The following CUX1 variants were observed in gnomAD, a reference collection of about 807,000 sequenced individuals.
CUX1 encodes protein CASP.
In CUX1, 31 loss-of-function variants were observed where a neutral mutation model predicts 158.8. The observed-to-expected ratio is 0.20, with a 90% CI of 0.15 to 0.26. The LOEUF is 0.26. Ranked by LOEUF, CUX1 falls within the 10% of genes least tolerant of loss-of-function variation. The pLI is 1.00. For missense variants in CUX1, 1,589 were observed against 2,014.6 expected (o/e 0.79, Z 4.04); for synonymous variants, 879 against 862.1 (o/e 1.02, Z -0.34).
chr7:102,124,988 G>A (rs1222947738), intron 8 of CUX1, among the ~76,000 whole-genome samples: 1 of 152,060 alleles, frequency 6.6e-6, no homozygotes, highest in Non-Finnish European at 1.5e-5. Context: ...CGCCATGTTG[G>A]CCAGGCTGGT....
chr7:101,835,131 A>G (rs775833110), intron 1 of CUX1, among the ~76,000 whole-genome samples: 26 of 152,102 alleles, frequency 1.7e-4, no homozygotes, highest in Admixed American at 1.3e-3. Context: ...AGAAACTCCC[A>G]TACCTGTCAG....
At chr7:102,212,761 C>T (rs1384554149) in intron 20 of CUX1, among the ~76,000 whole-genome samples, 1 of 151,928 alleles carries the variant, frequency 6.6e-6, no homozygotes, top group Non-Finnish European at 1.5e-5. Flanking sequence ...GCGTGCAGGC[C>T]TCAAAAAGGC....
chr7:102,214,078 G>T (rs1163355483), intron 20 of CUX1, among the ~76,000 whole-genome samples: 8 of 151,902 alleles, frequency 5.3e-5, no homozygotes, highest in Non-Finnish European at 1.0e-4. Flanking sequence ...GTTGCACTGA[G>T]GCGAGATCAC....
chr7:102,243,885 G>T (rs1181913629), intron 23 of CUX1, among the ~76,000 whole-genome samples: 1 of 151,836 alleles, frequency 6.6e-6, no homozygotes, highest in Non-Finnish European at 1.5e-5. Context: ...AAATTAGCCC[G>T]GTGTGGTGGC....
At chr7:102,200,579 G>A (rs933418205) in intron 17 of CUX1, among the ~76,000 whole-genome samples, 14 of 152,116 alleles carry the variant, frequency 9.2e-5, no homozygotes, top group African/African-American at 3.4e-4. Flanking sequence ...GACCTCCAGT[G>A]ATCCTCCCAC....
intron 14 of CUX1, among the ~76,000 whole-genome samples, chr7:102,263,638 C>A (rs370422728): frequency 6.2e-4 from 94 of 151,520 alleles, no homozygotes; most frequent in Non-Finnish European, 1.1e-3. Context: ...AGTTTTAAAT[C>A]GGGTGGTCAG....
At chr7:101,835,412 G>A (rs962164519) in intron 1 of CUX1, among the ~76,000 whole-genome samples, 1 of 151,972 alleles carries the variant, frequency 6.6e-6, no homozygotes, top group African/African-American at 2.4e-5. Flanking sequence ...GTAAACATTC[G>A]AGCTGTTTCC....
intron 3 of CUX1, among the ~76,000 whole-genome samples, chr7:102,049,995 T>G (rs911993268): frequency 6.6e-5 from 10 of 152,156 alleles, no homozygotes; most frequent in Non-Finnish European, 1.5e-5. Context: ...CCGTCCCTAC[T>G]GAGGAGCTGC....
chr7:102,034,003 G>A (rs1290126797), intron 3 of CUX1, among the ~76,000 whole-genome samples: 4 of 151,722 alleles, frequency 2.6e-5, no homozygotes, highest in Non-Finnish European at 5.9e-5. Context: ...AAAATTAGCC[G>A]GGAGTGGTGG....
rs562215761 is a variant in CUX1, at chr7:102,220,561, G to A, written c.3131-6806G>A. ...TCCAGGCTGGTGGCCACCCTGTTGT[G>A]TCTTCTGAAGCTGTCAGCACCGGTC... On this transcript the variant is annotated intron_variant, in intron 20 of 23. Coordinates refer to ENST00000292535, the MANE Select transcript of CUX1 (RefSeq NM_181552.4). Among the ~76,000 whole-genome samples, 10 of 152,274 alleles carry A rather than the reference G, an allele frequency of 6.6e-5. No individual in the cohort carries two copies. The South Asian group carries it at 2.1e-3, about 32-fold the overall frequency.
At position 102,275,460 on chromosome 7, in the gene CUX1, T is replaced by C; in HGVS notation, c.1563+101T>C. On this transcript the variant is annotated intron_variant, in intron 17 of 22. Coordinates refer to the CUX1 transcript ENST00000292538. ...AGAGATGTGGCACAGACCGTAAACC[T>C]CAGGGGGAAGAGATTTGTTCTGTGC... 2.1e-6 allele frequency: 2 copies of C among 931,184 alleles called. 1 individual carries two copies. The highest frequency in any genetic ancestry group is 5.1e-5 in the Admixed American group (2 of 38,836). 57.7% of individuals were successfully genotyped at this position (931,184 alleles called of 1,614,324 possible).
intron 1 of CUX1, among the ~76,000 whole-genome samples, chr7:101,832,547 G>A (rs571042136): frequency 7.9e-5 from 12 of 152,184 alleles, no homozygotes; most frequent in Admixed American, 4.6e-4. Flanking sequence ...ACACTTCGGC[G>A]TTGGACGTGA....
At chr7:102,222,447 C>CT (rs1486832240) in intron 20 of CUX1, among the ~76,000 whole-genome samples, 1 of 152,110 alleles carries the variant, frequency 6.6e-6, no homozygotes, top group African/African-American at 2.4e-5. Context: ...GTCTGAGCCT[C>CT]TGTTTTCTCA....
At chr7:101,832,341 A>G (rs1313220056) in intron 1 of CUX1, among the ~76,000 whole-genome samples, 1 of 152,140 alleles carries the variant, frequency 6.6e-6, no homozygotes, top group Non-Finnish European at 1.5e-5. Flanking sequence ...GAGGTTGGGG[A>G]ACAGCAGGGG....
intron 8 of CUX1, among the ~76,000 whole-genome samples, chr7:102,136,168 G>T (rs776528427): frequency 2.6e-5 from 4 of 151,832 alleles, no homozygotes; most frequent in African/African-American, 9.7e-5. Context: ...GACAAATCAG[G>T]TATAAATACA....
intron 4 of CUX1, among the ~76,000 whole-genome samples, chr7:102,087,101 TA>T (rs1278760832): frequency 2.0e-5 from 3 of 152,238 alleles, no homozygotes; most frequent in Non-Finnish European, 4.4e-5. Context: ...ACTGGAATGT[TA>T]GATCATTTAC....
intron 16 of CUX1, chr7:102,274,373 C>T (rs1791448918): frequency 1.4e-6 from 2 of 1,426,474 alleles, no homozygotes; most frequent in Non-Finnish European, 2.0e-6. Flanking sequence ...GGTGATACCG[C>T]CTGAGAACAC....
At chr7:101,883,666 C>CA in intron 1 of CUX1, among the ~76,000 whole-genome samples, 1 of 151,262 alleles carries the variant, frequency 6.6e-6, no homozygotes, top group South Asian at 2.1e-4. Context: ...GGCTGGAGTG[C>CA]AATGGCATGA....
In CUX1 at chr7:102,249,637, G is replaced by A. The variant is rs1471342925; in HGVS notation, c.*595G>A. The A allele has an allele frequency of 1.0e-6, 1 of 985,042 alleles. No individual in the cohort carries two copies. Among genetic ancestry groups the A allele is most frequent in the Non-Finnish European group, 1.2e-6 (1 of 829,804 alleles). The allele number at this position is 985,042 out of a possible 1,614,324, so 61.0% of individuals were successfully genotyped here. On this transcript the variant is annotated 3_prime_UTR_variant, in exon 24 of 24. Transcript: ENST00000292535. ...TTATCTGCCATCTAATGGCTTCAGA[G>A]CGATAATACACTATTATCTTCTTAA...
Sources: allele counts gnomAD v4.1 joint callset (sites outside exome capture counted in the v4.1 genomes callset), GRCh38; gene constraint gnomAD v4.1.1; transcripts MANE v1.5; gene names NCBI Gene and HGNC (gene_info 2026-07-23, HGNC 2026-07-21).